FUT9: variants seen among roughly 807,000 people sequenced by gnomAD.
The protein encoded by FUT9 is 4-galactosyl-N-acetylglucosaminide 3-alpha-L-fucosyltransferase 9.
FUT9 carries 15 observed loss-of-function variants against 29.7 expected under a neutral mutation model. The observed-to-expected ratio is 0.51, with a 90% CI of 0.34 to 0.78. The LOEUF (loss-of-function observed/expected upper bound fraction) is 0.78, where lower values mean the gene tolerates loss of function less well. Ranked by LOEUF, FUT9 falls within the 30% of genes least tolerant of loss-of-function variation. The probability of loss-of-function intolerance (pLI) is 0.01; values close to 1 mark genes in which losing one functional copy is unlikely to be tolerated. For synonymous variants in FUT9, 169 were observed against 153.7 expected (o/e 1.10, Z -0.74); for missense variants, 319 against 425.4 (o/e 0.75, Z 2.20).
Position 96,067,876 on chromosome 6 carries a change from C to T in FUT9, c.-97-46163C>T, listed in dbSNP as rs6902843. Among the ~76,000 whole-genome samples, 1,204 of 152,032 alleles carry T rather than the reference C, an allele frequency of 7.9e-3. 26 individuals are homozygous for T. The highest frequency in any genetic ancestry group is 0.028 in the African/African-American group (1,147 of 41,472). On this transcript the variant is annotated intron_variant, in intron 1 of 2. Transcript: ENST00000302103. ...ATTCTTACTTATAAAATATGTAATA[C>T]GTATGTTTACTTCATAGGATTGTTG...
At chr6:96,186,591 G>A (rs1177562711) in intron 2 of FUT9, among the ~76,000 whole-genome samples, 1 of 152,124 alleles carries the variant, frequency 6.6e-6, no homozygotes, top group Non-Finnish European at 1.5e-5. Context: ...TGTATAGAAA[G>A]AGATTTATTA....
intron 1 of FUT9, among the ~76,000 whole-genome samples, chr6:96,078,406 T>C (rs1771174992): frequency 8.5e-6 from 1 of 117,256 alleles, no homozygotes; most frequent in African/African-American, 3.0e-5. Flanking sequence ...CATATTAGTC[T>C]TCTTTTTTTT....
chr6:96,066,997 C>A (rs2127946131), intron 1 of FUT9, among the ~76,000 whole-genome samples: 1 of 152,036 alleles, frequency 6.6e-6, no homozygotes, highest in South Asian at 2.1e-4. Context: ...TTAATTCATT[C>A]ATGTGTTCAG....
intron 2 of FUT9, among the ~76,000 whole-genome samples, chr6:96,141,855 G>A (rs769824558): frequency 1.3e-5 from 2 of 152,082 alleles, no homozygotes; most frequent in South Asian, 2.1e-4. Context: ...CCTAGCTAAG[G>A]TTTGCCTACT....
chr6:96,042,111 T>G (rs1770472062), intron 1 of FUT9, among the ~76,000 whole-genome samples: 1 of 152,108 alleles, frequency 6.6e-6, no homozygotes, highest in African/African-American at 2.4e-5. Flanking sequence ...CATCCCTAGG[T>G]TCATCCTGGT....
chr6:96,070,626 A>G (rs1276388868), intron 1 of FUT9, among the ~76,000 whole-genome samples: 1 of 152,120 alleles, frequency 6.6e-6, no homozygotes, highest in African/African-American at 2.4e-5. Context: ...AGCAGAGGTT[A>G]CAGTGAGCCG....
At chr6:96,138,287 T>C (rs1181446361) in intron 2 of FUT9, among the ~76,000 whole-genome samples, 1 of 152,206 alleles carries the variant, frequency 6.6e-6, no homozygotes, top group Non-Finnish European at 1.5e-5. Context: ...TGAGTCAGGA[T>C]GATCTTAGCA....
At chr6:96,043,151 A>T (rs1183817496) in intron 1 of FUT9, among the ~76,000 whole-genome samples, 4 of 152,098 alleles carry the variant, frequency 2.6e-5, no homozygotes, top group Admixed American at 6.5e-5. Flanking sequence ...TCCCGGGTTC[A>T]TGCCATTCTC....
At chr6:96,176,776 A>T (rs1366992037) in intron 2 of FUT9, among the ~76,000 whole-genome samples, 1 of 152,020 alleles carries the variant, frequency 6.6e-6, no homozygotes, top group Non-Finnish European at 1.5e-5. Context: ...GATAATTTGT[A>T]ATCTGGGACT....
At chr6:96,069,814 G>A (rs1033837807) in intron 1 of FUT9, among the ~76,000 whole-genome samples, 1 of 151,822 alleles carries the variant, frequency 6.6e-6, no homozygotes, top group Admixed American at 6.6e-5. Flanking sequence ...TGTATTTTTA[G>A]TAGAGATGGG....
chr6:96,139,274 C>A (rs961738958), intron 2 of FUT9, among the ~76,000 whole-genome samples: 3 of 152,176 alleles, frequency 2.0e-5, no homozygotes, highest in Admixed American at 2.0e-4. Flanking sequence ...CCTCCTTTGA[C>A]TCCATGTCTC....
intron 2 of FUT9, among the ~76,000 whole-genome samples, chr6:96,137,123 T>C (rs1418047921): frequency 6.6e-6 from 1 of 151,974 alleles, no homozygotes; most frequent in African/African-American, 2.4e-5. Flanking sequence ...TCCAGGCATA[T>C]TATGAGGTGC....
rs1214373732 is a variant in FUT9, at chr6:96,205,822, A to G, written c.*1587A>G. The G allele has an allele frequency of 2.4e-5, 4 of 166,870 alleles. No homozygotes were observed. Among genetic ancestry groups the G allele is most frequent in the Non-Finnish European group, 4.4e-5 (3 of 68,106 alleles). The allele number at this position is 166,870 out of a possible 1,614,324, so 10.3% of individuals were successfully genotyped here. On this transcript the variant is annotated 3_prime_UTR_variant, in exon 3 of 3. Transcript: ENST00000302103. ...CAGCAAAATTCAAAAAGAATTCAGTAAAAAGGGCATAGATCCAGCTATCCA... is the reference window on the plus strand; with the variant it reads ...CAGCAAAATTCAAAAAGAATTCAGTGAAAAGGGCATAGATCCAGCTATCCA...
At chr6:96,062,581 TGATA>T (rs756571421) in intron 1 of FUT9, among the ~76,000 whole-genome samples, 4 of 152,032 alleles carry the variant, frequency 2.6e-5, no homozygotes, top group East Asian at 1.9e-4. Flanking sequence ...TAGATAAATA[TGATA>T]GATAGATAAA....
chr6:96,114,100 G>C lies in FUT9; in HGVS notation c.-36G>C, dbSNP rs970308606. On this transcript the variant is annotated 5_prime_UTR_variant, in exon 2 of 3. Coordinates refer to ENST00000302103, the MANE Select transcript of FUT9 (RefSeq NM_006581.4). ...GTGAAGTAGTATAACAACTGTCTAC[G>C]TGCTTCCCATGATATGTTCTCTATA... 6.6e-6 allele frequency: 1 copy of C among 151,970 alleles called. No homozygotes were observed. The highest frequency in any genetic ancestry group is 6.6e-5 in the Admixed American group (1 of 15,246). The allele number at this position is 151,970 out of a possible 1,614,324, so 9.4% of individuals were successfully genotyped here. A position where few individuals can be genotyped will look rare whatever the true frequency, so the allele number is the denominator to read the frequency against.
chr6:96,161,038 G>A (rs1418654665), intron 2 of FUT9, among the ~76,000 whole-genome samples: 1 of 152,084 alleles, frequency 6.6e-6, no homozygotes, highest in East Asian at 1.9e-4. Flanking sequence ...CCTTAGTAGA[G>A]GAAAATCTAG....
chr6:96,070,820 G>A (rs1251966021), intron 1 of FUT9, among the ~76,000 whole-genome samples: 3 of 152,130 alleles, frequency 2.0e-5, no homozygotes, highest in Non-Finnish European at 4.4e-5. Context: ...ATATGTATAT[G>A]TATAATATAT....
chr6:96,124,424 A>G (rs1320514731), intron 2 of FUT9, among the ~76,000 whole-genome samples: 2 of 152,162 alleles, frequency 1.3e-5, no homozygotes, highest in East Asian at 3.9e-4. Context: ...TGCTGGGATT[A>G]CAGGCGTGAG....
intron 1 of FUT9, among the ~76,000 whole-genome samples, chr6:96,104,204 G>T (rs1771637382): frequency 6.6e-6 from 1 of 152,088 alleles, no homozygotes; most frequent in Non-Finnish European, 1.5e-5. Flanking sequence ...TAAACTCAAG[G>T]CCAAGGTTAT....
Sources: gnomAD v4.1 joint callset for allele counts (sites outside exome capture counted in the v4.1 genomes callset) on GRCh38, gnomAD v4.1.1 for gene constraint, MANE v1.5 for transcripts, NCBI Gene and HGNC (gene_info 2026-07-23, HGNC 2026-07-21) for gene names.